CACNA1I: variants seen among roughly 807,000 people sequenced by gnomAD.
CACNA1I encodes the protein voltage-dependent T-type calcium channel subunit alpha-1I.
CACNA1I carries 74 observed loss-of-function variants against 201.6 expected under a neutral mutation model. That is an observed-to-expected ratio of 0.37 (90% CI 0.30 to 0.45). CACNA1I has a LOEUF of 0.45. CACNA1I is among the 20% of genes least tolerant of loss of function. The pLI is 1.00. For synonymous variants in CACNA1I, 1,431 were observed against 1,345.2 expected (o/e 1.06, Z -1.40); for missense variants, 2,346 against 3,138.1 (o/e 0.75, Z 6.03).
Position 39,659,387 on chromosome 22 carries a change from G to A in CACNA1I, c.2331-46G>A. ...GAGAATGAAACAAGGTGAGTAGGCA[G>A]TTTGGTGCATGTGAGTCCGATGAGC... On this transcript the variant is annotated intron_variant, in intron 12 of 36. Coordinates refer to ENST00000402142, the MANE Select transcript of CACNA1I (RefSeq NM_021096.4). This position sits in a 1 kb window ranked among gnomAD's most constrained non-coding sequence, Gnocchi z 4.3. The A allele has an allele frequency of 7.8e-7, 1 of 1,282,126 alleles. No individual in the cohort carries two copies. Among genetic ancestry groups the A allele is most frequent in the Non-Finnish European group, 1.1e-6 (1 of 901,370 alleles). The allele number at this position is 1,282,126 out of a possible 1,614,324, so 79.4% of individuals were successfully genotyped here. A position where few individuals can be genotyped will look rare whatever the true frequency, so the allele number is the denominator to read the frequency against.
At position 39,661,109 on chromosome 22, in the gene CACNA1I, T is replaced by C. The variant is rs1401500676; in HGVS notation, c.2700T>C (p.Asp900=). 6.2e-7 allele frequency: 1 copy of C among 1,612,950 alleles called. No individual in the cohort carries two copies. The highest frequency in any genetic ancestry group is 2.2e-5 in the East Asian group (1 of 44,862). Residue 900 remains aspartate (D), a splice_region_variant and synonymous_variant, in exon 16 of 37, where the codon GAT becomes GAC. Coordinates refer to ENST00000402142, the MANE Select transcript of CACNA1I (RefSeq NM_021096.4). The part of the protein sequence containing the change: ...KLQEGLDSSG[D]PKLCPIPMTP... ...TCTGTCTCCATCTCACTCCTCCAGA[T>C]CCCAAGCTCTGCCCAATCCCCATGA...
intron 10 of CACNA1I, among the ~76,000 whole-genome samples, chr22:39,650,894 TG>T (rs943049531): frequency 2.1e-4 from 32 of 151,638 alleles, no homozygotes; most frequent in Admixed American, 1.7e-3. Context: ...GGAGGATGTG[TG>T]TGTGAGGAGA....
chr22:39,636,381 G>A (rs1425596475), intron 5 of CACNA1I, among the ~76,000 whole-genome samples: 1 of 152,234 alleles, frequency 6.6e-6, no homozygotes, highest in East Asian at 1.9e-4. Context: ...ACAAGGAAAT[G>A]TCCCTGGAGA....
At position 39,682,761 on chromosome 22, in the gene CACNA1I, T is replaced by G. The variant is rs553074706; in HGVS notation, c.5830+100T>G. The G allele has an allele frequency of 1.5e-4, 151 of 994,986 alleles. No homozygotes were observed. The Middle Eastern group carries it at 2.6e-3, about 17-fold the overall frequency. 61.6% of individuals were successfully genotyped at this position (994,986 alleles called of 1,614,324 possible). A position where few individuals can be genotyped will look rare whatever the true frequency, so the allele number is the denominator to read the frequency against. ...TTTTTCCTTAGTATTTTTACCCAGA[T>G]TATTATATTTAGTCCAGAAAGAACC... is the stretch of plus-strand genomic sequence containing the variant. On this transcript the variant is annotated intron_variant, in intron 35 of 36. Coordinates refer to ENST00000402142, the MANE Select transcript of CACNA1I (RefSeq NM_021096.4).
At chr22:39,669,613 T>C (rs534027764) in intron 24 of CACNA1I, among the ~76,000 whole-genome samples, 1 of 150,908 alleles carries the variant, frequency 6.6e-6, no homozygotes, top group East Asian at 2.0e-4. Context: ...GGTGGGTAGA[T>C]GGATGGGTGG....
intron 1 of CACNA1I, among the ~76,000 whole-genome samples, chr22:39,577,528 C>T (rs562073279): frequency 6.6e-6 from 1 of 152,242 alleles, no homozygotes; most frequent in South Asian, 2.1e-4. Flanking sequence ...GGGGATGGCT[C>T]GTGTTCATCC....
At chr22:39,655,954 A>C (rs941365831) in intron 10 of CACNA1I, among the ~76,000 whole-genome samples, 1 of 152,202 alleles carries the variant, frequency 6.6e-6, no homozygotes, top group Non-Finnish European at 1.5e-5. Context: ...GCTGATCATC[A>C]TCACGGAGTG....
At chr22:39,585,481 C>A (rs1328424904) in intron 1 of CACNA1I, among the ~76,000 whole-genome samples, 2 of 148,838 alleles carry the variant, frequency 1.3e-5, no homozygotes, top group Non-Finnish European at 3.0e-5. Flanking sequence ...CCTCTTCCTC[C>A]CGATTTTAAG....
At chr22:39,630,167 C>T (rs1381554526) in intron 4 of CACNA1I, among the ~76,000 whole-genome samples, 1 of 152,168 alleles carries the variant, frequency 6.6e-6, no homozygotes, top group African/African-American at 2.4e-5. Flanking sequence ...CCTTCCCTGT[C>T]TCTGCTCAGC....
rs370506759 is a variant in CACNA1I, at chr22:39,666,018, C to T, written c.4104+12C>T. 132 of 1,612,352 alleles carry T rather than the reference C, an allele frequency of 8.2e-5. 1 individual carries two copies. Among genetic ancestry groups the T allele is most frequent in the East Asian group, 4.0e-4 (18 of 44,812 alleles). On this transcript the variant is annotated intron_variant, in intron 23 of 36. Coordinates refer to ENST00000402142, the MANE Select transcript of CACNA1I (RefSeq NM_021096.4). This position sits in a 1 kb window ranked among gnomAD's most constrained non-coding sequence, Gnocchi z 4.1. ...ACAACCTGGGCCAGGTGAGCACCAC[C>T]GTCCTAGCCCTGATCAGACCCTCCC...
intron 26 of CACNA1I, 113 bp from the exon 27 acceptor site, chr22:39,672,086 C>T: frequency 1.5e-6 from 1 of 681,692 alleles, no homozygotes; most frequent in South Asian, 1.8e-5. Flanking sequence ...AATAATTACA[C>T]TAAAAGTAAA....
chr22:39,674,063 TA>T, intron 29 of CACNA1I, 30 bp downstream of exon 29: 1 of 1,605,550 alleles, frequency 6.2e-7, no homozygotes, highest in Non-Finnish European at 8.5e-7. Flanking sequence ...GCAGCCCTCC[TA>T]GGGGTCATTG....
chr22:39,658,834 GTCTC>G, intron 11 of CACNA1I, 93 bp from the exon 12 acceptor site: 1 of 1,031,534 alleles, frequency 9.7e-7, no homozygotes, highest in Non-Finnish European at 1.4e-6. Flanking sequence ...TGGAAGCTCT[GTCTC>G]TCTGTTTTCC....
intron 17 of CACNA1I, 63 bp downstream of exon 17, chr22:39,662,498 C>G: frequency 8.0e-7 from 1 of 1,245,664 alleles, no homozygotes; most frequent in Non-Finnish European, 1.1e-6. Flanking sequence ...TGGGTGCGGC[C>G]CCAGGAGGCG....
intron 1 of CACNA1I, among the ~76,000 whole-genome samples, chr22:39,585,223 A>C (rs1485178067): frequency 6.6e-6 from 1 of 151,158 alleles, no homozygotes; most frequent in East Asian, 2.0e-4. Context: ...CTGTGCCCGG[A>C]TAATTTTTTT....
Position 39,664,219 on chromosome 22 carries a change from T to C in CACNA1I, c.3666+60T>C, listed in dbSNP as rs539793986. ...CCCAGCTCGGGCCCCTGGCCCTGGG[T>C]CAGCCCCTGCCTCAGCTTGTCACTC... is the stretch of plus-strand genomic sequence containing the variant. On this transcript the variant is annotated intron_variant, in intron 20 of 36. Transcript: ENST00000402142. 34 of 1,384,262 alleles carry C rather than the reference T, an allele frequency of 2.5e-5. No individual in the cohort carries two copies. The South Asian group carries it at 4.1e-4, about 17-fold the overall frequency. 85.7% of individuals were successfully genotyped at this position (1,384,262 alleles called of 1,614,324 possible). A position where few individuals can be genotyped will look rare whatever the true frequency, so the allele number is the denominator to read the frequency against.
intron 5 of CACNA1I, among the ~76,000 whole-genome samples, chr22:39,638,091 G>T (rs916065622): frequency 6.6e-6 from 1 of 152,080 alleles, no homozygotes; most frequent in African/African-American, 2.4e-5. Context: ...ATGCCACCAC[G>T]CTATTAAATG....
chr22:39,673,930 G>A (rs1487632579), intron 28 of CACNA1I, 33 bp from the exon 29 acceptor site: 1 of 1,606,270 alleles, frequency 6.2e-7, no homozygotes, highest in African/African-American at 1.3e-5. Context: ...ACCGGCCTGG[G>A]GCTGAGTGGG....
intron 1 of CACNA1I, among the ~76,000 whole-genome samples, chr22:39,596,147 GGGGA>G (rs1932882632): frequency 9.1e-5 from 8 of 87,556 alleles, no homozygotes; most frequent in East Asian, 7.4e-4. Flanking sequence ...GAGAGAGATG[GGGGA>G]GCAGGGTGGA....
Sources: allele counts gnomAD v4.1 joint callset (sites outside exome capture counted in the v4.1 genomes callset), GRCh38; gene constraint gnomAD v4.1.1; non-coding constraint Gnocchi (gnomAD v3.1); transcripts MANE v1.5; gene names NCBI Gene and HGNC (gene_info 2026-07-23, HGNC 2026-07-21).